SUCLG2: variants seen among roughly 807,000 people sequenced by gnomAD.
SUCLG2 encodes the protein succinate--CoA ligase [GDP-forming] subunit beta, mitochondrial.
SUCLG2 carries 42 observed loss-of-function variants against 47.9 expected under a neutral mutation model. That is an observed-to-expected ratio of 0.88 (90% CI 0.69 to 1.14). SUCLG2 has a LOEUF of 1.14. Among genes scored for constraint, SUCLG2 ranks in the 50% most tolerant of loss-of-function variants. The pLI, the probability that SUCLG2 is intolerant of heterozygous loss-of-function variation, is 0.00. For missense variants in SUCLG2, 571 were observed against 525.9 expected, an observed-to-expected ratio of 1.09 and a Z score of -0.84; for synonymous variants, 195 against 197.3, an observed-to-expected ratio of 0.99 and a Z score of 0.10.
chr3:67,609,385 A>G, intron 2 of SUCLG2, 70 bp downstream of exon 2: 1 of 1,531,814 alleles, frequency 6.5e-7, no homozygotes, highest in South Asian at 1.2e-5. Flanking sequence ...AAAATTAACT[A>G]GTGGGAAGCC....
chr3:67,448,690 T>A (rs969333562), intron 9 of SUCLG2, among the ~76,000 whole-genome samples: 1 of 152,250 alleles, frequency 6.6e-6, no homozygotes, highest in African/African-American at 2.4e-5. Context: ...ATATGTTGCT[T>A]TAGCAGTTTT....
At chr3:67,549,998 T>C (rs1371768535) in intron 2 of SUCLG2, among the ~76,000 whole-genome samples, 2 of 152,260 alleles carry the variant, frequency 1.3e-5, no homozygotes, top group African/African-American at 4.8e-5. Flanking sequence ...CATTCAGCTC[T>C]ACTGGGCTTA....
intron 2 of SUCLG2, among the ~76,000 whole-genome samples, chr3:67,582,955 C>G (rs915924295): frequency 6.6e-6 from 1 of 152,128 alleles, no homozygotes; most frequent in African/African-American, 2.4e-5. Flanking sequence ...TTGTTTTCTT[C>G]CATCAAACTT....
At chr3:67,526,667 A>G (rs561933411) in intron 4 of SUCLG2, among the ~76,000 whole-genome samples, 24 of 152,350 alleles carry the variant, frequency 1.6e-4, no homozygotes, top group African/African-American at 5.3e-4. Context: ...CACACCCATA[A>G]GAATGGCTAA....
At chr3:67,443,842 C>T in intron 9 of SUCLG2, among the ~76,000 whole-genome samples, 1 of 81,526 alleles carries the variant, frequency 1.2e-5, no homozygotes, top group South Asian at 6.1e-4. Flanking sequence ...AAGTGAGGAG[C>T]CCCTCCGCCC....
At chr3:67,379,746 C>A (rs527690302) in intron 10 of SUCLG2, among the ~76,000 whole-genome samples, 37 of 152,332 alleles carry the variant, frequency 2.4e-4, no homozygotes, top group Non-Finnish European at 4.6e-4. Context: ...GGCTGACACC[C>A]ATTCATTCAC....
rs146547000 is a variant in SUCLG2 at position 67,536,161 on chromosome 3, C to T, written c.227-6975G>A. Among the ~76,000 whole-genome samples, 676 of 152,298 alleles carry T rather than the reference C, an allele frequency of 4.4e-3. 8 individuals are homozygous for T. The East Asian group carries it at 0.054, about 12-fold the overall frequency. ...CAGCCAGAACAGCTCTTGGTGTGCACACACTCATATCCTGCTGGTGGAACA... is the reference window on the plus strand; with the variant it reads ...CAGCCAGAACAGCTCTTGGTGTGCATACACTCATATCCTGCTGGTGGAACA... On this transcript the variant is annotated intron_variant, in intron 2 of 10. Coordinates refer to ENST00000307227, the MANE Select transcript of SUCLG2 (RefSeq NM_003848.4).
At chr3:67,550,900 G>A (rs1429691576) in intron 2 of SUCLG2, among the ~76,000 whole-genome samples, 2 of 152,010 alleles carry the variant, frequency 1.3e-5, no homozygotes, top group African/African-American at 4.8e-5. Flanking sequence ...AGTATTAAAC[G>A]GGGGGTGGGG....
At chr3:67,636,571 C>G (rs1158509535) in intron 1 of SUCLG2, among the ~76,000 whole-genome samples, 1 of 152,136 alleles carries the variant, frequency 6.6e-6, no homozygotes, top group African/African-American at 2.4e-5. Context: ...CCAGGATGGT[C>G]TCGATCTCCT....
chr3:67,369,449 C>T (rs562956893), intron 10 of SUCLG2, among the ~76,000 whole-genome samples: 1 of 152,264 alleles, frequency 6.6e-6, no homozygotes, highest in African/African-American at 2.4e-5. Context: ...ATATTGTGTG[C>T]TAATTCTCTC....
At chr3:67,485,307 T>C (rs1705022869) in intron 9 of SUCLG2, among the ~76,000 whole-genome samples, 1 of 152,248 alleles carries the variant, frequency 6.6e-6, no homozygotes. Context: ...AAAACTGTTA[T>C]GTACCCCCAA....
At chr3:67,539,416 A>G (rs1706638511) in intron 2 of SUCLG2, among the ~76,000 whole-genome samples, 1 of 152,178 alleles carries the variant, frequency 6.6e-6, no homozygotes, top group African/African-American at 2.4e-5. Flanking sequence ...AGCCTACTTC[A>G]TCGTGGTGGA....
chr3:67,651,503 T>G (rs1041232817), intron 1 of SUCLG2, among the ~76,000 whole-genome samples: 3 of 152,236 alleles, frequency 2.0e-5, no homozygotes, highest in East Asian at 3.9e-4. Flanking sequence ...CATATAATGC[T>G]GAGCAATGTG....
intron 2 of SUCLG2, among the ~76,000 whole-genome samples, chr3:67,600,676 C>G (rs750667739): frequency 1.7e-4 from 26 of 152,258 alleles, no homozygotes; most frequent in African/African-American, 4.6e-4. Context: ...TCCCAGCCAC[C>G]CTTGAAGTTG....
rs140435055 is a variant in SUCLG2 at position 67,626,538 on chromosome 3, A to G, written c.85-16942T>C. 7.4e-4 allele frequency among the ~76,000 whole-genome samples: 112 copies of G among 152,250 alleles called. 1 individual carries two copies. The highest frequency in any genetic ancestry group is 1.4e-3 in the Admixed American group (22 of 15,290). ...GAGCAAGAATGATGAAACAACACAG[A>G]CCAACATCATGAAAGAGAAACAAAT... is the stretch of plus-strand genomic sequence containing the variant. On this transcript the variant is annotated intron_variant, in intron 1 of 10. Coordinates refer to ENST00000307227, the MANE Select transcript of SUCLG2 (RefSeq NM_003848.4).
At chr3:67,599,864 A>C (rs769127969) in intron 2 of SUCLG2, among the ~76,000 whole-genome samples, 1 of 152,192 alleles carries the variant, frequency 6.6e-6, no homozygotes, top group Non-Finnish European at 1.5e-5. Context: ...TTTTCATCCT[A>C]AGGTAGATCA....
At chr3:67,550,176 G>A (rs1322647433) in intron 2 of SUCLG2, among the ~76,000 whole-genome samples, 1 of 152,150 alleles carries the variant, frequency 6.6e-6, no homozygotes, top group Non-Finnish European at 1.5e-5. Context: ...TGCTCCATGC[G>A]GGTAACATGA....
chr3:67,529,106 C>T lies in SUCLG2; in HGVS notation c.307G>A (p.Gly103Ser). ...KGVFNSGLKGGVHLTKDPNVV... is the reference protein window; with the variant it reads ...KGVFNSGLKGSVHLTKDPNVV... Reference sequence around the variant, plus strand: ...ACTTACTCTTTTGTTAAATGAACACCTCCTTTCAAACCACTATTGAAGACA... The same window carrying T: ...ACTTACTCTTTTGTTAAATGAACACTTCCTTTCAAACCACTATTGAAGACA... Residue 103 changes from glycine (G) to serine (S), a missense_variant, in exon 3 of 11, where the codon GGT becomes AGT. Transcript: ENST00000307227. 6.2e-7 allele frequency: 1 copy of T among 1,612,200 alleles called. No homozygotes were observed. Among genetic ancestry groups the T allele is most frequent in the Non-Finnish European group, 8.5e-7 (1 of 1,179,542 alleles).
chr3:67,623,962 T>TA (rs1700779684), intron 1 of SUCLG2, among the ~76,000 whole-genome samples: 1 of 152,218 alleles, frequency 6.6e-6, no homozygotes, highest in Admixed American at 6.5e-5. Flanking sequence ...AGGGCCCTGC[T>TA]ACCATCTCCA....
Sources: allele counts gnomAD v4.1 joint callset (sites outside exome capture counted in the v4.1 genomes callset), GRCh38; gene constraint gnomAD v4.1.1; transcripts MANE v1.5; gene names NCBI Gene and HGNC (gene_info 2026-07-23, HGNC 2026-07-21).